Variants in KIT observed in about 807,000 individuals in gnomAD.
KIT encodes mast/stem cell growth factor receptor Kit.
Under a neutral mutation model 105.7 loss-of-function variants are expected in KIT, and 16 were observed. The ratio of observed to expected loss-of-function variants is 0.15; its 90% CI spans 0.10 to 0.23. The LOEUF is 0.23. Among genes scored for constraint, KIT ranks in the 10% least tolerant of loss-of-function variants. KIT has a pLI of 1.00. For missense variants in KIT, 858 were observed against 1,213.8 expected (o/e 0.71, Z 4.36); for synonymous variants, 438 against 441.1 (o/e 0.99, Z 0.09).
chr4:54,707,722 A>G (rs1453933939), intron 6 of KIT, among the ~76,000 whole-genome samples: 1 of 152,240 alleles, frequency 6.6e-6, no homozygotes, highest in Non-Finnish European at 1.5e-5. Flanking sequence ...CTCTCATTTG[A>G]TCCTCAAAAC....
chr4:54,720,642 TAAC>T (rs1721810294), intron 7 of KIT, among the ~76,000 whole-genome samples: 1 of 152,244 alleles, frequency 6.6e-6, no homozygotes, highest in Non-Finnish European at 1.5e-5. Flanking sequence ...TAACCATTGT[TAAC>T]ATCATCTTAA....
At chr4:54,660,727 G>A (rs1338885553) in intron 1 of KIT, among the ~76,000 whole-genome samples, 1 of 152,088 alleles carries the variant, frequency 6.6e-6, no homozygotes, top group Non-Finnish European at 1.5e-5. Flanking sequence ...GGAGAAACTG[G>A]CTAAGGATAA....
intron 5 of KIT, 107 bp downstream of exon 5, chr4:54,703,999 TTTG>T: frequency 3.0e-6 from 3 of 993,078 alleles, no homozygotes; most frequent in Non-Finnish European, 4.8e-6. Flanking sequence ...TTCTTAGAAT[TTTG>T]TTATCACTGA....
chr4:54,699,849 A>T (rs1720342070), intron 4 of KIT, 83 bp downstream of exon 4: 2 of 1,473,904 alleles, frequency 1.4e-6, no homozygotes, highest in Non-Finnish European at 1.9e-6. Flanking sequence ...CTGTCCTGAA[A>T]CTGCCTCGAC....
At chr4:54,695,371 C>T in intron 1 of KIT, 141 bp from the exon 2 acceptor site, 1 of 857,958 alleles carries the variant, frequency 1.2e-6, no homozygotes, top group Non-Finnish European at 1.9e-6. Context: ...ACAGAACTCT[C>T]TTTTCAGCCA....
At chr4:54,732,043 TG>T (rs755204358) in intron 16 of KIT, 45 bp downstream of exon 16, 1 of 1,539,816 alleles carries the variant, frequency 6.5e-7, no homozygotes, top group South Asian at 1.2e-5. Context: ...TTTGTTTTTT[TG>T]ATTTTTTTTT....
At position 54,695,645 on chromosome 4, in the gene KIT, T is replaced by G; in HGVS notation, c.201T>G (p.Thr67=). Residue 67 remains threonine (T), a synonymous_variant, in exon 2 of 21, where the codon ACT becomes ACG. Coordinates refer to ENST00000288135, the MANE Select transcript of KIT (RefSeq NM_000222.3). Reference sequence around the variant, plus strand: ...CTGATCCGGGCTTTGTCAAATGGACTTTTGAGATCCTGGATGAAACGAATG... The same window carrying G: ...CTGATCCGGGCTTTGTCAAATGGACGTTTGAGATCCTGGATGAAACGAATG... ...LCTDPGFVKW[T]FEILDETNEN... is the part of the protein sequence containing the mutation. 1 of 1,614,240 alleles carries G rather than the reference T, an allele frequency of 6.2e-7. No individual in the cohort carries two copies. The highest frequency in any genetic ancestry group is 1.1e-5 in the South Asian group (1 of 91,092).
At chr4:54,713,814 T>C (rs1430357883) in intron 7 of KIT, among the ~76,000 whole-genome samples, 1 of 152,208 alleles carries the variant, frequency 6.6e-6, no homozygotes, top group African/African-American at 2.4e-5. Context: ...CAATTTGTGT[T>C]AAGAAAACAC....
intron 2 of KIT, chr4:54,695,985 T>C: frequency 1.6e-6 from 1 of 621,082 alleles, no homozygotes; most frequent in African/African-American, 1.8e-5. Flanking sequence ...GCTGGAGGAC[T>C]GCAGGACTGT....
chr4:54,695,449 A>G, intron 1 of KIT, 63 bp from the exon 2 acceptor site: 1 of 1,566,878 alleles, frequency 6.4e-7, no homozygotes, highest in South Asian at 1.1e-5. Context: ...CAGTATTGGA[A>G]GAAGTGCTTT....
At chr4:54,663,227 G>C (rs1484437932) in intron 1 of KIT, among the ~76,000 whole-genome samples, 1 of 152,158 alleles carries the variant, frequency 6.6e-6, no homozygotes, top group Non-Finnish European at 1.5e-5. Flanking sequence ...ACGAGCTTGG[G>C]CTCTGAAATT....
rs1019837982 is a variant in KIT at position 54,729,323 on chromosome 4, A to G, written c.1991-12A>G. The G allele has an allele frequency of 4.3e-6, 7 of 1,612,874 alleles. No individual in the cohort carries two copies. The highest frequency in any genetic ancestry group is 1.7e-5 in the Admixed American group (1 of 59,972). On this transcript the variant is annotated splice_polypyrimidine_tract_variant and intron_variant, in intron 13 of 20. Coordinates refer to ENST00000288135, the MANE Select transcript of KIT (RefSeq NM_000222.3). The stretch of plus-strand genomic sequence containing the variant: ...CTCACCTTCTTTCTAACCTTTTCTT[A>G]TGTGCTTTTAGGGCCCACCCTGGTC...
At chr4:54,732,172 T>A (rs1722653346) in intron 16 of KIT, among the ~76,000 whole-genome samples, 174 bp downstream of exon 16, 1 of 151,748 alleles carries the variant, frequency 6.6e-6, no homozygotes, top group African/African-American at 2.4e-5. Flanking sequence ...TTCCAACTGC[T>A]GTCTCTTTGG....
At chr4:54,733,269 A>T (rs1055427535) in intron 17 of KIT, 77 bp downstream of exon 17, 5 of 1,518,042 alleles carry the variant, frequency 3.3e-6, no homozygotes, top group Non-Finnish European at 4.5e-6. Context: ...GTTTCCTGTG[A>T]TTTTCATAAT....
intron 17 of KIT, among the ~76,000 whole-genome samples, chr4:54,734,858 T>C (rs1722829002): frequency 6.6e-6 from 1 of 152,078 alleles, no homozygotes; most frequent in African/African-American, 2.4e-5. Flanking sequence ...ATGAAATACA[T>C]AGGAATACCA....
intron 7 of KIT, among the ~76,000 whole-genome samples, chr4:54,722,504 T>C (rs1476230906): frequency 6.6e-6 from 1 of 152,138 alleles, no homozygotes; most frequent in Non-Finnish European, 1.5e-5. Flanking sequence ...GTGTCCACTA[T>C]GCATGGGGCT....
chr4:54,692,872 C>T (rs1324294170), intron 1 of KIT, among the ~76,000 whole-genome samples: 1 of 152,126 alleles, frequency 6.6e-6, no homozygotes, highest in Non-Finnish European at 1.5e-5. Context: ...GTGTACTTTG[C>T]TTGACATAAT....
chr4:54,710,788 G>T (rs1721104834), intron 7 of KIT, among the ~76,000 whole-genome samples: 1 of 152,170 alleles, frequency 6.6e-6, no homozygotes, highest in African/African-American at 2.4e-5. Flanking sequence ...GTGATCACCT[G>T]CTTCAGCCTC....
At chr4:54,668,767 A>G (rs34284864) in intron 1 of KIT, among the ~76,000 whole-genome samples, 43,916 of 152,156 alleles carry the variant, frequency 0.29, 7,451 homozygotes, top group Admixed American at 0.41. Context: ...TAAAAATAAA[A>G]CAAGACTATG....
Sources: gnomAD v4.1 joint callset for allele counts (sites outside exome capture counted in the v4.1 genomes callset) on GRCh38, gnomAD v4.1.1 for gene constraint, MANE v1.5 for transcripts, NCBI Gene and HGNC (gene_info 2026-07-23, HGNC 2026-07-21) for gene names.